The following SLC9C2 variants were observed in gnomAD, a reference collection of about 807,000 sequenced individuals.
SLC9C2 encodes sodium/hydrogen exchanger 11.
In SLC9C2, 75 loss-of-function variants were observed where a neutral mutation model predicts 140.2. That is an observed-to-expected ratio of 0.53 (90% CI 0.44 to 0.65). The LOEUF (loss-of-function observed/expected upper bound fraction) is 0.65, where lower values mean the gene tolerates loss of function less well. Ranked by LOEUF, SLC9C2 falls within the 30% of genes least tolerant of loss-of-function variation. The probability of loss-of-function intolerance (pLI) is 0.00; values close to 1 mark genes in which losing one functional copy is unlikely to be tolerated. For missense variants in SLC9C2, 1,074 were observed against 1,331.8 expected, an observed-to-expected ratio of 0.81 and a Z score of 3.01; for synonymous variants, 375 against 420.9, an observed-to-expected ratio of 0.89 and a Z score of 1.34.
chr1:173,524,814 T>C lies in SLC9C2; in HGVS notation c.2479A>G (p.Ile827Val), dbSNP rs1369130788. Residue 827 changes from isoleucine (I) to valine (V), a missense_variant, in exon 20 of 28, where the codon ATT becomes GTT. By Grantham distance (29) the Ile-to-Val change is conservative (BLOSUM62 3). Coordinates refer to ENST00000367714, the MANE Select transcript of SLC9C2 (RefSeq NM_178527.4). ...KNLTFLCSRG[I>V]IDKHEVIEIN... ...TCAATGACTTCATGCTTATCAATAA[T>C]GCCTCTTGAACAAAGGAAGGTGAGA... 1 of 1,614,064 alleles carries C rather than the reference T, an allele frequency of 6.2e-7. No homozygotes were observed. Among genetic ancestry groups the C allele is most frequent in the Non-Finnish European group, 8.5e-7 (1 of 1,179,950 alleles).
At chr1:173,562,180 G>A (rs752234083) in intron 9 of SLC9C2, among the ~76,000 whole-genome samples, 1 of 152,098 alleles carries the variant, frequency 6.6e-6, no homozygotes, top group Non-Finnish European at 1.5e-5. Flanking sequence ...AACATTCAGA[G>A]CTCCCTAGAA....
intron 27 of SLC9C2, among the ~76,000 whole-genome samples, chr1:173,502,671 T>C (rs1659369830): frequency 6.6e-6 from 1 of 152,236 alleles, no homozygotes; most frequent in African/African-American, 2.4e-5. Context: ...GGGGCAAACA[T>C]CTACATGACT....
At chr1:173,552,898 T>C (rs1413613484) in intron 11 of SLC9C2, among the ~76,000 whole-genome samples, 1 of 152,232 alleles carries the variant, frequency 6.6e-6, no homozygotes, top group East Asian at 1.9e-4. Context: ...CTGTCATAGA[T>C]AGTGATTCCT....
intron 13 of SLC9C2, among the ~76,000 whole-genome samples, 155 bp downstream of exon 13, chr1:173,547,533 AT>A (rs925457776): frequency 1.3e-5 from 2 of 151,804 alleles, no homozygotes; most frequent in African/African-American, 2.4e-5. Flanking sequence ...AAGAAGGAGA[AT>A]TTTTTTATTT....
chr1:173,502,276 A>AG (rs907643734), intron 27 of SLC9C2, among the ~76,000 whole-genome samples: 1 of 148,306 alleles, frequency 6.7e-6, no homozygotes, highest in African/African-American at 2.5e-5. Flanking sequence ...CCATCTCAAA[A>AG]AAAAAAAAAA....
At chr1:173,584,643 T>C (rs1665749088) in intron 5 of SLC9C2, among the ~76,000 whole-genome samples, 1 of 152,188 alleles carries the variant, frequency 6.6e-6, no homozygotes. Flanking sequence ...TGTGCTTTTG[T>C]GTAGTCTTCT....
intron 21 of SLC9C2, among the ~76,000 whole-genome samples, chr1:173,521,616 C>T (rs1660830695): frequency 2.0e-5 from 3 of 150,686 alleles, no homozygotes. Flanking sequence ...CTGTAACGTG[C>T]TAATATACCA....
At chr1:173,527,688 T>A (rs1233043970) in intron 18 of SLC9C2, among the ~76,000 whole-genome samples, 1 of 152,180 alleles carries the variant, frequency 6.6e-6, no homozygotes, top group East Asian at 1.9e-4. Context: ...ATCACACAAC[T>A]GACAGTTCTT....
chr1:173,560,465 T>A lies in SLC9C2; in HGVS notation c.1047-2957A>T, dbSNP rs114836006. 5.6e-3 allele frequency among the ~76,000 whole-genome samples: 860 copies of A among 152,334 alleles called. 2 individuals carry two copies. The highest frequency in any genetic ancestry group is 8.9e-3 in the Admixed American group (137 of 15,308). ...GGCCAATGACTGCATTATGCAGAGATACAAAGGCCTGTTCCCTTGTCTCAG... is the reference window on the plus strand; with the variant it reads ...GGCCAATGACTGCATTATGCAGAGAAACAAAGGCCTGTTCCCTTGTCTCAG... On this transcript the variant is annotated intron_variant, in intron 9 of 27. Transcript: ENST00000367714.
chr1:173,598,581 A>G (rs1190595013), intron 3 of SLC9C2, among the ~76,000 whole-genome samples: 1 of 152,240 alleles, frequency 6.6e-6, no homozygotes, highest in Non-Finnish European at 1.5e-5. Context: ...TAATGATTGA[A>G]GTGCTATAAA....
intron 8 of SLC9C2, among the ~76,000 whole-genome samples, chr1:173,574,612 G>A (rs1347985890): frequency 3.4e-5 from 5 of 145,188 alleles, no homozygotes; most frequent in African/African-American, 7.8e-5. Flanking sequence ...CCAGGTTCAC[G>A]CCATTCTCCT....
At chr1:173,579,238 GA>G (rs1305410629) in intron 7 of SLC9C2, among the ~76,000 whole-genome samples, 1 of 152,166 alleles carries the variant, frequency 6.6e-6, no homozygotes, top group East Asian at 1.9e-4. Context: ...AATTTCTAGA[GA>G]AAATCATCAT....
At chr1:173,599,901 G>T (rs1021096133) in intron 3 of SLC9C2, among the ~76,000 whole-genome samples, 6 of 152,086 alleles carry the variant, frequency 3.9e-5, no homozygotes, top group Admixed American at 3.9e-4. Context: ...ACCGCACCTG[G>T]CCACATTTTC....
intron 18 of SLC9C2, among the ~76,000 whole-genome samples, chr1:173,529,345 A>C (rs1033046850): frequency 1.3e-5 from 2 of 152,116 alleles, no homozygotes; most frequent in African/African-American, 4.8e-5. Flanking sequence ...TAATAGACAG[A>C]CTGGTGCGAG....
intron 8 of SLC9C2, among the ~76,000 whole-genome samples, chr1:173,574,720 C>T (rs1427540574): frequency 1.4e-5 from 2 of 140,390 alleles, no homozygotes; most frequent in Non-Finnish European, 3.2e-5. Flanking sequence ...CCATGTTAGC[C>T]AGGATGGTCT....
chr1:173,596,228 G>A (rs1421645926), intron 4 of SLC9C2, among the ~76,000 whole-genome samples: 1 of 152,130 alleles, frequency 6.6e-6, no homozygotes, highest in African/African-American at 2.4e-5. Context: ...AAATAAAGCT[G>A]CTATACAGAT....
At chr1:173,534,360 A>G (rs1256755255) in intron 16 of SLC9C2, 124 bp downstream of exon 16, 12 of 1,014,654 alleles carry the variant, frequency 1.2e-5, no homozygotes, top group Admixed American at 3.7e-5. Context: ...CTAAAATTCT[A>G]GGATCTCATC....
chr1:173,564,803 A>G (rs1664353091), intron 9 of SLC9C2, among the ~76,000 whole-genome samples: 1 of 148,136 alleles, frequency 6.8e-6, no homozygotes, highest in Admixed American at 6.7e-5. Context: ...ACGCCTGGCT[A>G]ATTTTTTATA....
intron 11 of SLC9C2, among the ~76,000 whole-genome samples, chr1:173,548,919 A>G (rs1663059746): frequency 6.6e-6 from 1 of 152,298 alleles, no homozygotes; most frequent in African/African-American, 2.4e-5. Context: ...CTCCATACCT[A>G]CAGAATCAGA....
Sources: gnomAD v4.1 joint callset for allele counts (sites outside exome capture counted in the v4.1 genomes callset) on GRCh38, gnomAD v4.1.1 for gene constraint, MANE v1.5 for transcripts, NCBI Gene and HGNC (gene_info 2026-07-23, HGNC 2026-07-21) for gene names.